ANKS1B: variants seen among roughly 807,000 people sequenced by gnomAD.
ANKS1B encodes the protein ankyrin repeat and sterile alpha motif domain containing 1B.
A neutral mutation model predicts 148.3 loss-of-function variants in ANKS1B; 36 were observed. The observed-to-expected ratio is 0.24, with a 90% confidence interval of 0.19 to 0.32. ANKS1B has a LOEUF of 0.32. ANKS1B is among the 10% of genes least tolerant of loss of function. The pLI, the probability that ANKS1B is intolerant of heterozygous loss-of-function variation, is 1.00. For missense variants in ANKS1B, 1,157 were observed against 1,542.6 expected (o/e 0.75, Z 4.19); for synonymous variants, 542 against 560.8 (o/e 0.97, Z 0.47).
At position 99,771,924 on chromosome 12, in the gene ANKS1B, G is replaced by GT. The variant is rs201269913; in HGVS notation, c.1128+997dup. On this transcript the variant is annotated intron_variant, in intron 8 of 26. Coordinates refer to ENST00000683438, the MANE Select transcript of ANKS1B (RefSeq NM_001352186.2). ...AATGGACAGTCACTATACTTAGCAA[G>GT]TTTTTTTTTAGTTTTCACAAATAAT... Among the ~76,000 whole-genome samples the GT allele has an allele frequency of 3.8e-3, 569 of 151,412 alleles. 20 individuals are homozygous for GT. In the South Asian group the frequency reaches 0.054, roughly 14 times the overall value.
intron 9 of ANKS1B, among the ~76,000 whole-genome samples, chr12:99,523,057 G>A (rs895323821): frequency 6.6e-6 from 1 of 152,184 alleles, no homozygotes; most frequent in African/African-American, 2.4e-5. Context: ...AGGTGGCCTA[G>A]AGGCTTTTCT....
intron 1 of ANKS1B, among the ~76,000 whole-genome samples, chr12:99,918,855 C>T (rs982320048): frequency 8.5e-5 from 13 of 152,066 alleles, no homozygotes; most frequent in African/African-American, 2.7e-4. Context: ...TCTATAAACA[C>T]GCTCCTTAAA....
At chr12:99,718,758 C>G (rs1039667255) in intron 8 of ANKS1B, among the ~76,000 whole-genome samples, 5 of 152,300 alleles carry the variant, frequency 3.3e-5, no homozygotes, top group African/African-American at 9.6e-5. Context: ...AACATGCTTT[C>G]TTTACTATGC....
chr12:99,680,246 G>A (rs2098606356), intron 8 of ANKS1B, among the ~76,000 whole-genome samples: 1 of 152,152 alleles, frequency 6.6e-6, no homozygotes, highest in Admixed American at 6.5e-5. Flanking sequence ...TTCAAGACCA[G>A]CCTGGCCAAC....
intron 16 of ANKS1B, among the ~76,000 whole-genome samples, chr12:99,073,049 A>G: frequency 6.6e-6 from 1 of 152,220 alleles, no homozygotes; most frequent in Admixed American, 6.5e-5. Flanking sequence ...TTCTTGGTTC[A>G]GCTTCAAACC....
chr12:98,880,991 T>C (rs1354300056), intron 17 of ANKS1B, among the ~76,000 whole-genome samples: 2 of 150,904 alleles, frequency 1.3e-5, no homozygotes, highest in African/African-American at 4.9e-5. Flanking sequence ...ATTCCCTGCT[T>C]GGAAAGTTTT....
chr12:99,935,889 A>ACTGGATAT (rs61685689), intron 1 of ANKS1B, among the ~76,000 whole-genome samples: 5 of 25,838 alleles, frequency 1.9e-4, no homozygotes, highest in African/African-American at 1.4e-3. Flanking sequence ...AATACCTGAC[A>ACTGGATAT]CTGGATAATT....
chr12:99,108,141 A>C (rs1283893530), intron 15 of ANKS1B, among the ~76,000 whole-genome samples: 1 of 152,142 alleles, frequency 6.6e-6, no homozygotes, highest in Non-Finnish European at 1.5e-5. Flanking sequence ...TATGATTCCT[A>C]CTCCAGTCAC....
chr12:99,621,107 G>C (rs548465587), intron 9 of ANKS1B, among the ~76,000 whole-genome samples: 1 of 152,130 alleles, frequency 6.6e-6, no homozygotes, highest in African/African-American at 2.4e-5. Flanking sequence ...CATTCTTAAA[G>C]AAAAGAAATT....
intron 8 of ANKS1B, among the ~76,000 whole-genome samples, chr12:99,750,469 T>C (rs1290353525): frequency 6.6e-6 from 1 of 152,062 alleles, no homozygotes; most frequent in Non-Finnish European, 1.5e-5. Flanking sequence ...AAAATCAACA[T>C]GTATATGGAG....
At chr12:99,512,236 G>A (rs1483887814) in intron 9 of ANKS1B, among the ~76,000 whole-genome samples, 1 of 151,856 alleles carries the variant, frequency 6.6e-6, no homozygotes, top group Non-Finnish European at 1.5e-5. Context: ...CCATTAAGAA[G>A]CGGGCAAAGG....
At chr12:99,811,819 A>C (rs911974994) in intron 3 of ANKS1B, among the ~76,000 whole-genome samples, 1 of 151,954 alleles carries the variant, frequency 6.6e-6, no homozygotes, top group African/African-American at 2.4e-5. Context: ...AATTGTATTA[A>C]GAAACATTGT....
At chr12:99,344,994 ATTTAT>A (rs918665782) in intron 12 of ANKS1B, 22 of 152,196 alleles carry the variant, frequency 1.4e-4, no homozygotes, top group African/African-American at 5.3e-4. Flanking sequence ...AGATGAAACT[ATTTAT>A]TTTGACATTT....
At chr12:99,913,375 G>T (rs1289851627) in intron 1 of ANKS1B, among the ~76,000 whole-genome samples, 2 of 152,082 alleles carry the variant, frequency 1.3e-5, no homozygotes, top group African/African-American at 2.4e-5. Flanking sequence ...ATTTACATCA[G>T]CATTTCACTA....
chr12:99,934,710 GA>G (rs1235259959), intron 1 of ANKS1B, among the ~76,000 whole-genome samples: 1 of 152,012 alleles, frequency 6.6e-6, no homozygotes, highest in Admixed American at 6.6e-5. Flanking sequence ...CCAACTTGGT[GA>G]AAAAGATTAA....
intron 9 of ANKS1B, among the ~76,000 whole-genome samples, chr12:99,636,906 A>G (rs958623198): frequency 3.0e-4 from 45 of 152,254 alleles, no homozygotes; most frequent in Non-Finnish European, 4.4e-4. Flanking sequence ...TATAAGAAGT[A>G]AAAATAATTT....
chr12:98,782,557 A>G (rs1365198154), intron 22 of ANKS1B, among the ~76,000 whole-genome samples: 2 of 152,204 alleles, frequency 1.3e-5, no homozygotes, highest in Middle Eastern at 3.2e-3. Flanking sequence ...GAAGGCTTTT[A>G]ATTGGATAGT....
intron 9 of ANKS1B, among the ~76,000 whole-genome samples, chr12:99,519,732 C>T (rs944606591): frequency 1.3e-5 from 2 of 151,974 alleles, no homozygotes; most frequent in African/African-American, 4.8e-5. Flanking sequence ...GTATTCTCTT[C>T]CCTCTTTCCT....
At chr12:98,781,529 T>C in intron 23 of ANKS1B, 1 of 448,638 alleles carries the variant, frequency 2.2e-6, no homozygotes, top group East Asian at 5.9e-5. Flanking sequence ...AAGAGGTCTG[T>C]CTCCTACTGC....
Sources: allele counts gnomAD v4.1 joint callset (sites outside exome capture counted in the v4.1 genomes callset), GRCh38; gene constraint gnomAD v4.1.1; transcripts MANE v1.5; gene names NCBI Gene and HGNC (gene_info 2026-07-23, HGNC 2026-07-21).